The following ARHGEF1 variants were observed in gnomAD, a reference collection of about 807,000 sequenced individuals.
The protein encoded by ARHGEF1 is 115 kDa guanine nucleotide exchange factor.
A neutral mutation model predicts 119.7 loss-of-function variants in ARHGEF1; 40 were observed. The observed-to-expected ratio is 0.33, with a 90% confidence interval of 0.26 to 0.44. The LOEUF is 0.44. Among genes scored for constraint, ARHGEF1 ranks in the 20% least tolerant of loss-of-function variants. The pLI, the probability that ARHGEF1 is intolerant of heterozygous loss-of-function variation, is 1.00. For synonymous variants in ARHGEF1, 494 were observed against 521.0 expected (o/e 0.95, Z 0.71); for missense variants, 976 against 1,268.3 (o/e 0.77, Z 3.50).
At position 41,898,545 on chromosome 19, in the gene ARHGEF1, A is replaced by T; in HGVS notation, c.1225A>T (p.Ser409Cys). The change falls in exon 14 of 29, where the codon AGC becomes TGC. Residue 409 changes from serine (S) to cysteine (C), a missense_variant. Physicochemically the swap from Ser to Cys is moderately radical, Grantham distance 112 (BLOSUM62 -1). This residue lies in a region of ARHGEF1 where 519 missense variants were observed against 580.9 expected (regional missense o/e 0.89). Transcript: ENST00000354532. ...ACTCGTCCCCCCAGACACCCTGCAC[A>T]GCCTGCCCAAGAGCCAGGTGAAGCG... The part of the protein sequence containing the change: ...RELVPPDTLH[S>C]LPKSQVKRQE... 6.3e-7 allele frequency: 1 copy of T among 1,575,132 alleles called. No individual in the cohort carries two copies. Among genetic ancestry groups the T allele is most frequent in the Non-Finnish European group, 8.6e-7 (1 of 1,160,764 alleles).
rs2074407530 is a variant in ARHGEF1, at chr19:41,893,262, T to C, written c.615-12T>C. The C allele has an allele frequency of 6.2e-7, 1 of 1,612,158 alleles. No homozygotes were observed. The highest frequency in any genetic ancestry group is 2.2e-5 in the East Asian group (1 of 44,712). ...AGCAAATATGTCACAAACATCTCTC[T>C]TCCTCCTACAGACATACCATCTCTA... On this transcript the variant is annotated splice_polypyrimidine_tract_variant and intron_variant, in intron 7 of 28. Coordinates refer to ENST00000354532, the MANE Select transcript of ARHGEF1 (RefSeq NM_004706.4).
chr19:41,895,510 T>A (rs2074468952), intron 12 of ARHGEF1, 24 bp downstream of exon 12: 1 of 1,572,886 alleles, frequency 6.4e-7, no homozygotes, highest in South Asian at 1.1e-5. Context: ...GGGCCAGGGC[T>A]CCATGAGGCC....
At chr19:41,894,137 T>TGTGTGA in intron 8 of ARHGEF1, 70 bp from the exon 9 acceptor site, 2 of 669,116 alleles carry the variant, frequency 3.0e-6, no homozygotes, top group Non-Finnish European at 4.7e-6. Context: ...TGTGTGTGAG[T>TGTGTGA]GTGTGTGTGT....
intron 13 of ARHGEF1, 76 bp downstream of exon 13, chr19:41,896,558 C>T (rs1285065663): frequency 2.2e-5 from 25 of 1,161,610 alleles, no homozygotes; most frequent in Non-Finnish European, 3.0e-5. Context: ...TCACCGCTGC[C>T]ATCTGTGCCT....
chr19:41,901,526 C>G lies in ARHGEF1; in HGVS notation c.1268-361C>G, dbSNP rs562763425. 2.6e-5 allele frequency among the ~76,000 whole-genome samples: 4 copies of G among 152,328 alleles called. No homozygotes were observed. The South Asian group carries it at 8.3e-4, about 32-fold the overall frequency. ...ATGCCATCATAGCTCACTGCAGCCT[C>G]AACCTCCTGGGCTCAAGGGATCCTC... On this transcript the variant is annotated intron_variant, in intron 14 of 28. Coordinates refer to ENST00000354532, the MANE Select transcript of ARHGEF1 (RefSeq NM_004706.4).
rs1227780290 is a variant in ARHGEF1, at chr19:41,916,862, G to C, written c.1866-6230G>C. Among the ~76,000 whole-genome samples, 1 of 151,800 alleles carries C rather than the reference G, an allele frequency of 6.6e-6. No homozygotes were observed. The highest frequency in any genetic ancestry group is 2.4e-5 in the African/African-American group (1 of 41,194). Reference sequence around the variant, plus strand: ...ACGACCGACAGCGGCCCCTGCAGAGGTACACACAGACACACCCAGACACAC... The same window carrying C: ...ACGACCGACAGCGGCCCCTGCAGAGCTACACACAGACACACCCAGACACAC... On this transcript the variant is annotated intron_variant, in intron 18 of 20. Coordinates refer to the ARHGEF1 transcript ENST00000599589. This position sits in a 1 kb window ranked among gnomAD's most constrained non-coding sequence, Gnocchi z 5.4.
Position 41,905,042 on chromosome 19 carries a change from G to C in ARHGEF1, c.2249+6G>C, listed in dbSNP as rs1555849830. 6.2e-7 allele frequency: 1 copy of C among 1,613,966 alleles called. No individual in the cohort carries two copies. Among genetic ancestry groups the C allele is most frequent in the African/African-American group, 1.3e-5 (1 of 74,932 alleles). On this transcript the variant is annotated splice_donor_region_variant and intron_variant, in intron 23 of 28. Transcript: ENST00000354532. This position sits in a 1 kb window ranked among gnomAD's most constrained non-coding sequence, Gnocchi z 6.4. ...ACTGTGTCGGAGCGGAAAAAGTGAG[G>C]GGGGGTCTGAGTTCTGAGTGTGGGT... is the stretch of plus-strand genomic sequence containing the variant.
At chr19:41,912,978 GAC>G (rs2074762806) in intron 18 of ARHGEF1, 1 of 911,816 alleles carries the variant, frequency 1.1e-6, no homozygotes, top group South Asian at 5.5e-5. Flanking sequence ...GGGCAGGAGA[GAC>G]AGACACAGGT....
intron 1 of ARHGEF1, chr19:41,884,270 G>A: frequency 4.2e-6 from 3 of 719,964 alleles, no homozygotes; most frequent in Non-Finnish European, 6.8e-6. Context: ...GGCCTGCGTG[G>A]CGCAGTACAG....
At chr19:41,926,512 C>G (rs1215427589) in intron 1 of ARHGEF1, among the ~76,000 whole-genome samples, 1 of 152,096 alleles carries the variant, frequency 6.6e-6, no homozygotes, top group Admixed American at 6.5e-5. Context: ...GGTCTGCCAC[C>G]TCGATTTCTC....
rs1555849608 is a variant in ARHGEF1 at position 41,904,094 on chromosome 19, T to G, written c.1977T>G (p.Thr659=). 6.2e-7 allele frequency: 1 copy of G among 1,613,954 alleles called. No individual in the cohort carries two copies. Residue 659 remains threonine (T), a synonymous_variant, in exon 21 of 29, where the codon ACT becomes ACG. Coordinates refer to ENST00000354532, the MANE Select transcript of ARHGEF1 (RefSeq NM_004706.4). The surrounding 1 kb of genome is among the most constrained non-coding windows in gnomAD (Gnocchi z 8.4). The stretch of plus-strand genomic sequence containing the variant: ...AGGGCCCACTGACGTGGCGGGTGAC[T>G]AAGGACAAGGCAGTGGGTGAGTGCC... ...VHEGPLTWRV[T]KDKAVEVHVL...
chr19:41,918,472 C>T (rs934987472), upstream of ARHGEF1, among the ~76,000 whole-genome samples: 2 of 149,612 alleles, frequency 1.3e-5, no homozygotes, highest in Admixed American at 6.7e-5. Context: ...ACACACCACA[C>T]ACGCACCACG....
chr19:41,918,986 C>T (rs532161515), upstream of ARHGEF1, among the ~76,000 whole-genome samples: 61 of 150,546 alleles, frequency 4.1e-4, no homozygotes, highest in Non-Finnish European at 7.0e-4. Flanking sequence ...ACACACACAC[C>T]GCATATACAC....
chr19:41,916,939 C>T lies in ARHGEF1; in HGVS notation c.1866-6153C>T, dbSNP rs2074805210. On this transcript the variant is annotated intron_variant, in intron 18 of 20. Transcript: ENST00000599589. This position sits in a 1 kb window ranked among gnomAD's most constrained non-coding sequence, Gnocchi z 5.4. ...ACCCCAACCCAAGGCCCCTGCCACT[C>T]CTGCTCCCACCATCCCCATCTGTCT... 6.6e-6 allele frequency among the ~76,000 whole-genome samples: 1 copy of T among 152,168 alleles called. No homozygotes were observed. The highest frequency in any genetic ancestry group is 2.4e-5 in the African/African-American group (1 of 41,438).
intron 12 of ARHGEF1, among the ~76,000 whole-genome samples, chr19:41,895,883 C>T (rs1555847453): frequency 6.6e-6 from 1 of 152,228 alleles, no homozygotes; most frequent in African/African-American, 2.4e-5. Flanking sequence ...ACTGCTGTGG[C>T]CTCAGGCCCT....
chr19:41,896,937 CCCCCCTCCTCTCTCACCTT>C (rs1568817687), intron 13 of ARHGEF1: 13 of 332,994 alleles, frequency 3.9e-5, no homozygotes, highest in East Asian at 1.8e-4. Flanking sequence ...TCTCTCACCT[CCCCCCTCCTCTCTCACCTT>C]CCCCCTCCTC....
upstream of ARHGEF1, among the ~76,000 whole-genome samples, chr19:41,919,511 G>A (rs997279639): frequency 4.1e-5 from 5 of 122,562 alleles, no homozygotes; most frequent in Non-Finnish European, 7.6e-5. Context: ...ACGTGCACGC[G>A]TACACACACA....
intron 13 of ARHGEF1, chr19:41,896,709 C>T (rs2074495024): frequency 1.5e-6 from 1 of 685,124 alleles, no homozygotes; most frequent in Non-Finnish European, 2.7e-6. Context: ...TTTTCCTCTG[C>T]TCCTTCCTCT....
downstream of ARHGEF1, among the ~76,000 whole-genome samples, chr19:41,910,691 T>A (rs1555851165): frequency 6.6e-6 from 1 of 152,188 alleles, no homozygotes; most frequent in Non-Finnish European, 1.5e-5. The surrounding 1 kb of genome is among the most constrained non-coding windows in gnomAD (Gnocchi z 4.4). Flanking sequence ...TCCATGCCCA[T>A]GTCCGTCCAA....
Sources: gnomAD v4.1 joint callset for allele counts (sites outside exome capture counted in the v4.1 genomes callset) on GRCh38, gnomAD v4.1.1 for gene constraint, gnomAD v4.1.1 regional missense constraint, Gnocchi (gnomAD v3.1) non-coding constraint, MANE v1.5 for transcripts, NCBI Gene and HGNC (gene_info 2026-07-23, HGNC 2026-07-21) for gene names.